FILIP1L: variants seen among roughly 807,000 people sequenced by gnomAD.
FILIP1L encodes filamin A interacting protein 1 like.
FILIP1L carries 55 observed loss-of-function variants against 96.6 expected under a neutral mutation model. The observed-to-expected ratio is 0.57, with a 90% CI of 0.46 to 0.71. The LOEUF is 0.71. FILIP1L is among the 30% of genes least tolerant of loss of function. FILIP1L has a pLI of 0.00. For synonymous variants in FILIP1L, 467 were observed against 473.9 expected (o/e 0.99, Z 0.19); for missense variants, 1,304 against 1,321.2 (o/e 0.99, Z 0.20).
At chr3:99,913,091 A>G (rs1435179688) in intron 4 of FILIP1L, among the ~76,000 whole-genome samples, 1 of 151,832 alleles carries the variant, frequency 6.6e-6, no homozygotes, top group Non-Finnish European at 1.5e-5. Flanking sequence ...CAAGGAGACG[A>G]CAGCGGTTTA....
intron 1 of FILIP1L, among the ~76,000 whole-genome samples, chr3:100,112,087 C>G (rs146027862): frequency 1.3e-5 from 2 of 152,280 alleles, no homozygotes; most frequent in East Asian, 1.9e-4. Flanking sequence ...AATGAGCAAA[C>G]AAACTAAGCT....
intron 1 of FILIP1L, among the ~76,000 whole-genome samples, chr3:100,081,661 G>T (rs768862346): frequency 9.9e-5 from 15 of 152,126 alleles, no homozygotes; most frequent in Non-Finnish European, 1.8e-4. Context: ...GTCATGAAAA[G>T]TTCTCTAAGA....
chr3:99,988,427 G>T (rs541390408), intron 1 of FILIP1L, among the ~76,000 whole-genome samples: 1 of 144,590 alleles, frequency 6.9e-6, no homozygotes, highest in Non-Finnish European at 1.5e-5. Flanking sequence ...CAGGAGAATC[G>T]CTTGAATGTG....
chr3:99,993,789 T>C (rs1709594076), intron 1 of FILIP1L, among the ~76,000 whole-genome samples: 1 of 152,234 alleles, frequency 6.6e-6, no homozygotes, highest in Non-Finnish European at 1.5e-5. Context: ...TTGATTTACA[T>C]GTGTTGAACC....
intron 1 of FILIP1L, among the ~76,000 whole-genome samples, chr3:100,027,882 G>A (rs1465864709): frequency 1.3e-5 from 2 of 152,164 alleles, no homozygotes; most frequent in African/African-American, 2.4e-5. Flanking sequence ...AACTAGAGTT[G>A]GGAGTGAGAG....
At chr3:100,023,322 C>T (rs1298419209) in intron 1 of FILIP1L, 1 of 152,636 alleles carries the variant, frequency 6.6e-6, no homozygotes, top group African/African-American at 2.4e-5. Context: ...CAAACAGAGC[C>T]TGGCTCTCAA....
chr3:99,973,086 A>G (rs370113834), intron 1 of FILIP1L, among the ~76,000 whole-genome samples: 1 of 152,228 alleles, frequency 6.6e-6, no homozygotes, highest in Non-Finnish European at 1.5e-5. Context: ...ATGGAATGAC[A>G]ATTATTAAAA....
intron 1 of FILIP1L, among the ~76,000 whole-genome samples, chr3:100,039,425 G>A (rs2065163695): frequency 6.6e-6 from 1 of 152,106 alleles, no homozygotes; most frequent in South Asian, 2.1e-4. Flanking sequence ...ACAGTATAAA[G>A]ATTTCAGTGG....
chr3:100,106,201 C>G (rs2066392701), intron 1 of FILIP1L, among the ~76,000 whole-genome samples: 1 of 152,132 alleles, frequency 6.6e-6, no homozygotes, highest in Non-Finnish European at 1.5e-5. Context: ...GATGCAGCAA[C>G]AAGTCAGTAC....
intron 4 of FILIP1L, among the ~76,000 whole-genome samples, chr3:99,886,396 C>G (rs1705898180): frequency 6.6e-6 from 1 of 150,808 alleles, no homozygotes; most frequent in African/African-American, 2.5e-5. Flanking sequence ...ACACTTAACA[C>G]TAATGATACC....
rs141162097 is a variant in FILIP1L at position 100,038,552 on chromosome 3, G to C, written c.-11+75501C>G. ...ATTAACAAACATTGTAATTGCAAAA[G>C]ATTGGAAATAACCTAAATGTACTTT... is the stretch of plus-strand genomic sequence containing the variant. On this transcript the variant is annotated intron_variant, in intron 1 of 5. Coordinates refer to ENST00000477258, the MANE Select transcript of FILIP1L (RefSeq NM_001387850.1). Among the ~76,000 whole-genome samples the C allele has an allele frequency of 4.2e-3, 637 of 152,284 alleles. 4 individuals are homozygous for C. The highest frequency in any genetic ancestry group is 0.015 in the African/African-American group (608 of 41,550).
At position 99,880,564 on chromosome 3, in the gene FILIP1L, A is replaced by T. The variant is rs1705691447; in HGVS notation, c.606-29494T>A. Among the ~76,000 whole-genome samples, 5 of 152,194 alleles carry T rather than the reference A, an allele frequency of 3.3e-5. No individual in the cohort carries two copies. The South Asian group carries it at 1.0e-3, about 32-fold the overall frequency. On this transcript the variant is annotated intron_variant, in intron 4 of 5. Coordinates refer to ENST00000477258, the MANE Select transcript of FILIP1L (RefSeq NM_001387850.1). ...AGTGACATATGTACCTTGAGAAGTG[A>T]TTACAGTAGTAGTGTCCATGTGATG...
At chr3:99,941,331 T>C (rs982862476) in intron 1 of FILIP1L, among the ~76,000 whole-genome samples, 1 of 152,226 alleles carries the variant, frequency 6.6e-6, no homozygotes, top group Admixed American at 6.5e-5. Flanking sequence ...TAGGAAATAC[T>C]GTAAATAATG....
chr3:99,944,723 C>A (rs1707956615), intron 1 of FILIP1L, among the ~76,000 whole-genome samples: 1 of 152,194 alleles, frequency 6.6e-6, no homozygotes, highest in Non-Finnish European at 1.5e-5. Context: ...GCCTGAATTC[C>A]TTCTCTTTAG....
At chr3:99,857,169 T>G (rs971726772) in intron 4 of FILIP1L, among the ~76,000 whole-genome samples, 4 of 150,978 alleles carry the variant, frequency 2.6e-5, no homozygotes, top group African/African-American at 9.9e-5. Context: ...CTAAGTAGTT[T>G]TATTCACTAT....
intron 1 of FILIP1L, among the ~76,000 whole-genome samples, chr3:100,097,240 C>G (rs2066225677): frequency 2.0e-5 from 3 of 152,184 alleles, no homozygotes; most frequent in Admixed American, 2.0e-4. Context: ...CCCCAAACCA[C>G]CAACCATCCC....
At chr3:100,009,005 C>G (rs1710067648) in intron 1 of FILIP1L, among the ~76,000 whole-genome samples, 1 of 152,112 alleles carries the variant, frequency 6.6e-6, no homozygotes, top group African/African-American at 2.4e-5. Context: ...TAGTTTTAGC[C>G]TCAACATCCA....
chr3:100,089,338 A>T (rs2066065166), intron 1 of FILIP1L, among the ~76,000 whole-genome samples: 1 of 152,190 alleles, frequency 6.6e-6, no homozygotes, highest in African/African-American at 2.4e-5. Context: ...CACAAGCAAA[A>T]CCATCCAGAG....
intron 1 of FILIP1L, among the ~76,000 whole-genome samples, chr3:100,048,605 C>G (rs2065316306): frequency 1.3e-5 from 2 of 152,142 alleles, no homozygotes; most frequent in Admixed American, 1.3e-4. Context: ...CCAGGTGATT[C>G]TTGCACCACT....
Sources: gnomAD v4.1 joint callset for allele counts (sites outside exome capture counted in the v4.1 genomes callset) on GRCh38, gnomAD v4.1.1 for gene constraint, MANE v1.5 for transcripts, NCBI Gene and HGNC (gene_info 2026-07-23, HGNC 2026-07-21) for gene names.